The following STK32C variants were observed in gnomAD, a reference collection of about 807,000 sequenced individuals.
STK32C encodes the protein serine/threonine-protein kinase 32C.
STK32C carries 31 observed loss-of-function variants against 56.5 expected under a neutral mutation model. The observed-to-expected ratio is 0.55, with a 90% CI of 0.41 to 0.74. STK32C has a LOEUF of 0.74. Among genes scored for constraint, STK32C ranks in the 30% least tolerant of loss-of-function variants. The pLI, the probability that STK32C is intolerant of heterozygous loss-of-function variation, is 0.00. For synonymous variants in STK32C, 309 were observed against 289.4 expected (o/e 1.07, Z -0.69); for missense variants, 544 against 676.9 (o/e 0.80, Z 2.18).
chr10:132,287,750 G>C (rs1170551871), intron 1 of STK32C, among the ~76,000 whole-genome samples: 1 of 151,960 alleles, frequency 6.6e-6, no homozygotes, highest in Non-Finnish European at 1.5e-5. Flanking sequence ...ACTGCGCCTG[G>C]CCAAAAATCC....
intron 1 of STK32C, among the ~76,000 whole-genome samples, chr10:132,294,482 G>T (rs2138325554): frequency 6.6e-6 from 1 of 152,276 alleles, no homozygotes; most frequent in East Asian, 1.9e-4. Flanking sequence ...ATGGAGGGCT[G>T]AGAAATAGGG....
At chr10:132,210,390 G>A (rs373436359) in intron 10 of STK32C, among the ~76,000 whole-genome samples, 1 of 152,248 alleles carries the variant, frequency 6.6e-6, no homozygotes, top group Non-Finnish European at 1.5e-5. Flanking sequence ...CCAAGTAGCT[G>A]GGATTACAGG....
rs368484685 is a variant in STK32C at position 132,254,763 on chromosome 10, A to G, written c.263-8808T>C. ...AGCCTGCCGCAGGGCGCCGGGAATC[A>G]GCACTATGTCACCCCGGCACAATGC... is the stretch of plus-strand genomic sequence containing the variant. On this transcript the variant is annotated intron_variant, in intron 1 of 11. Coordinates refer to ENST00000298630, the MANE Select transcript of STK32C (RefSeq NM_173575.4). Among the ~76,000 whole-genome samples, 331 of 151,166 alleles carry G rather than the reference A, an allele frequency of 2.2e-3. 38 individuals are homozygous for G. The South Asian group carries it at 0.039, about 18-fold the overall frequency.
chr10:132,251,547 C>T (rs1023583205), intron 1 of STK32C, among the ~76,000 whole-genome samples: 1 of 151,074 alleles, frequency 6.6e-6, no homozygotes, highest in Non-Finnish European at 1.5e-5. Flanking sequence ...TACCCCACCT[C>T]GCCCCACACT....
chr10:132,256,132 C>T (rs947702232), intron 1 of STK32C, among the ~76,000 whole-genome samples: 6 of 152,260 alleles, frequency 3.9e-5, no homozygotes, highest in African/African-American at 1.4e-4. Context: ...GCGATGCCCT[C>T]ACCCTGTCTT....
chr10:132,265,844 G>C (rs755690963), intron 1 of STK32C, among the ~76,000 whole-genome samples: 5 of 152,198 alleles, frequency 3.3e-5, no homozygotes, highest in Non-Finnish European at 7.4e-5. Flanking sequence ...GCCAGGGAGA[G>C]GGACAGCAGC....
chr10:132,210,103 T>C (rs1037267164), intron 10 of STK32C, among the ~76,000 whole-genome samples: 7 of 152,232 alleles, frequency 4.6e-5, no homozygotes, highest in African/African-American at 1.7e-4. Context: ...CCCCATGCGA[T>C]TGGCCAGTGA....
intron 10 of STK32C, among the ~76,000 whole-genome samples, chr10:132,221,814 A>G (rs754180681): frequency 6.1e-5 from 8 of 131,638 alleles, no homozygotes; most frequent in Non-Finnish European, 1.3e-4. Context: ...CCCTGCACAC[A>G]CTCACAACTG....
intron 1 of STK32C, among the ~76,000 whole-genome samples, chr10:132,329,613 A>G (rs1387523972): frequency 6.6e-6 from 1 of 152,242 alleles, no homozygotes; most frequent in Non-Finnish European, 1.5e-5. Flanking sequence ...GGATGGAGAC[A>G]GAACTAGTAA....
intron 1 of STK32C, among the ~76,000 whole-genome samples, chr10:132,317,388 T>G (rs1158507179): frequency 1.3e-5 from 2 of 152,176 alleles, no homozygotes; most frequent in East Asian, 3.8e-4. Flanking sequence ...CATTCATTGG[T>G]CTTCACTAAA....
At chr10:132,245,119 T>C (rs2063639411) in intron 2 of STK32C, among the ~76,000 whole-genome samples, 1 of 152,244 alleles carries the variant, frequency 6.6e-6, no homozygotes, top group Non-Finnish European at 1.5e-5. Flanking sequence ...CTACGTATTA[T>C]GCTCCGGTAG....
upstream of STK32C, among the ~76,000 whole-genome samples, chr10:132,309,274 A>G (rs1440786343): frequency 6.6e-6 from 1 of 152,104 alleles, no homozygotes; most frequent in East Asian, 1.9e-4. Flanking sequence ...GGCCAACAGG[A>G]GCCCCCATCC....
At chr10:132,273,605 A>T (rs2064901039) in intron 1 of STK32C, among the ~76,000 whole-genome samples, 1 of 152,190 alleles carries the variant, frequency 6.6e-6, no homozygotes, top group African/African-American at 2.4e-5. Flanking sequence ...TGAATGAGTG[A>T]AGGAGTTACT....
At chr10:132,293,991 G>A (rs573862207) in intron 1 of STK32C, among the ~76,000 whole-genome samples, 4 of 152,308 alleles carry the variant, frequency 2.6e-5, no homozygotes, top group East Asian at 3.9e-4. Context: ...GCCTTCAGGC[G>A]GGGCCAGCAT....
chr10:132,242,259 G>A (rs1031230093), intron 2 of STK32C, among the ~76,000 whole-genome samples: 1 of 152,094 alleles, frequency 6.6e-6, no homozygotes, highest in African/African-American at 2.4e-5. Flanking sequence ...CCATGAGCTG[G>A]GAGCTGCTGG....
chr10:132,229,674 G>C (rs1050684819), intron 2 of STK32C, among the ~76,000 whole-genome samples: 5 of 152,188 alleles, frequency 3.3e-5, no homozygotes, highest in African/African-American at 1.2e-4. Context: ...ACCTGTCTCA[G>C]TCACATCCTG....
chr10:132,242,774 C>G (rs1411018585), intron 2 of STK32C, among the ~76,000 whole-genome samples: 1 of 152,222 alleles, frequency 6.6e-6, no homozygotes, highest in East Asian at 1.9e-4. Context: ...AATTCGTATG[C>G]TTTTCCTCCT....
chr10:132,268,958 T>TGC (rs763444960), intron 1 of STK32C, among the ~76,000 whole-genome samples: 11 of 46,708 alleles, frequency 2.4e-4, no homozygotes, highest in South Asian at 5.0e-4. Context: ...TCTCACATCG[T>TGC]GTGTGTGTGT....
rs141757345 is a variant in STK32C, at chr10:132,245,418, AAAC to A, written c.318+479_318+481del. On this transcript the variant is annotated intron_variant, in intron 2 of 11. Transcript: ENST00000298630. Reference sequence around the variant, plus strand: ...CAGGAAGTTAGATCTGGTCAAGAGAAAACAAAAGGAGAGTAAAGGAACGGGCTC... The same window carrying A: ...CAGGAAGTTAGATCTGGTCAAGAGAAAAAAGGAGAGTAAAGGAACGGGCTC... 1.8e-3 allele frequency among the ~76,000 whole-genome samples: 268 copies of A among 152,360 alleles called. 5 individuals are homozygous for A. The East Asian group carries it at 0.046, about 26-fold the overall frequency.
Sources: allele counts gnomAD v4.1 joint callset (sites outside exome capture counted in the v4.1 genomes callset), GRCh38; gene constraint gnomAD v4.1.1; transcripts MANE v1.5; gene names NCBI Gene and HGNC (gene_info 2026-07-23, HGNC 2026-07-21).